ZNF365: variants seen among roughly 807,000 people sequenced by gnomAD.
ZNF365 encodes zinc finger protein 365.
In ZNF365, 22 loss-of-function variants were observed where a neutral mutation model predicts 35.0. The ratio of observed to expected loss-of-function variants is 0.63; its 90% CI spans 0.45 to 0.90. The LOEUF is 0.90. Among genes scored for constraint, ZNF365 ranks in the 40% least tolerant of loss-of-function variants. The pLI is 0.00. For missense variants in ZNF365, 448 were observed against 500.3 expected (o/e 0.90, Z 1.00); for synonymous variants, 188 against 196.2 (o/e 0.96, Z 0.35).
chr10:62,414,063 A>C (rs758413942), intron 3 of ZNF365, among the ~76,000 whole-genome samples: 1 of 152,178 alleles, frequency 6.6e-6, no homozygotes, highest in African/African-American at 2.4e-5. Context: ...TAAATTATAT[A>C]TATTAGTTTA....
chr10:62,414,113 A>C (rs779413761), intron 3 of ZNF365, among the ~76,000 whole-genome samples: 2 of 152,210 alleles, frequency 1.3e-5, no homozygotes, highest in Non-Finnish European at 2.9e-5. Flanking sequence ...GACTCTAATT[A>C]GTGCAAAAAT....
chr10:62,391,608 G>T (rs1839630562), intron 3 of ZNF365, among the ~76,000 whole-genome samples: 1 of 152,240 alleles, frequency 6.6e-6, no homozygotes, highest in South Asian at 2.1e-4. Context: ...GTATTCCACG[G>T]TATATATAAA....
At chr10:62,450,357 G>A (rs894443716) in intron 3 of ZNF365, among the ~76,000 whole-genome samples, 6 of 152,144 alleles carry the variant, frequency 3.9e-5, no homozygotes, top group Non-Finnish European at 7.3e-5. Flanking sequence ...CAAATTTAAA[G>A]ATAAGAAGCC....
chr10:62,383,197 C>T (rs1013463148), intron 2 of ZNF365, among the ~76,000 whole-genome samples: 1 of 152,162 alleles, frequency 6.6e-6, no homozygotes, highest in Non-Finnish European at 1.5e-5. Flanking sequence ...GTGCTGGGCT[C>T]AGGTTAGGTA....
chr10:62,472,091 C>T (rs541395087), intron 4 of ZNF365, among the ~76,000 whole-genome samples: 1 of 152,210 alleles, frequency 6.6e-6, no homozygotes, highest in Non-Finnish European at 1.5e-5. Context: ...ACTTAGCTAT[C>T]GGGCTCCCTG....
intron 3 of ZNF365, among the ~76,000 whole-genome samples, chr10:62,459,163 G>T (rs1292951716): frequency 6.6e-6 from 1 of 152,210 alleles, no homozygotes; most frequent in African/African-American, 2.4e-5. Flanking sequence ...GAGAGCTTCT[G>T]CCTAGTGGGC....
chr10:62,401,656 C>A lies in ZNF365; in HGVS notation c.*1867C>A. On this transcript the variant is annotated 3_prime_UTR_variant, in exon 5 of 5. Transcript: ENST00000395254. ...AGTTATTTATTATTGATGCTTATAC[C>A]ATGATTGCACCTTAGCCTTTTACAT... The A allele has an allele frequency of 1.0e-6, 1 of 985,324 alleles. No individual in the cohort carries two copies. Among genetic ancestry groups the A allele is most frequent in the Middle Eastern group, 5.2e-4 (1 of 1,912 alleles). The allele number at this position is 985,324 out of a possible 1,614,324, so 61.0% of individuals were successfully genotyped here. A position where few individuals can be genotyped will look rare whatever the true frequency, so the allele number is the denominator to read the frequency against.
At chr10:62,477,461 T>C (rs1022426343) in intron 4 of ZNF365, among the ~76,000 whole-genome samples, 1 of 152,240 alleles carries the variant, frequency 6.6e-6, no homozygotes, top group Non-Finnish European at 1.5e-5. Context: ...GAGGGTTTAG[T>C]GCTTCATCCT....
chr10:62,403,032 C>T (rs1839854830), downstream of ZNF365, among the ~76,000 whole-genome samples: 1 of 152,212 alleles, frequency 6.6e-6, no homozygotes, highest in Non-Finnish European at 1.5e-5. Context: ...GGGACATCGA[C>T]TCCTGCGTAA....
chr10:62,374,782 C>T (rs1839286679), intron 1 of ZNF365, among the ~76,000 whole-genome samples: 3 of 152,220 alleles, frequency 2.0e-5, no homozygotes, highest in Non-Finnish European at 4.4e-5. Context: ...AGCCTGCGTG[C>T]TCTGGAGTGT....
In ZNF365 at chr10:62,413,001, G is replaced by T. The variant is rs1217946699; in HGVS notation, c.924+24425G>T. On this transcript the variant is annotated intron_variant, in intron 3 of 4. Coordinates refer to the ZNF365 transcript ENST00000395255. ...ACAGAGCAAGTTGGAAAGAGAGAAG[G>T]TTGGCTAATAGGCAACTCTCCCTCC... Among the ~76,000 whole-genome samples, 2 of 152,114 alleles carry T rather than the reference G, an allele frequency of 1.3e-5. 1 individual carries two copies. The highest frequency in any genetic ancestry group is 4.8e-5 in the African/African-American group (2 of 41,394).
chr10:62,447,984 G>A (rs941554840), intron 3 of ZNF365, among the ~76,000 whole-genome samples: 3 of 152,166 alleles, frequency 2.0e-5, no homozygotes, highest in Non-Finnish European at 4.4e-5. Context: ...AAAGTTGAAA[G>A]AACTGTATCG....
At chr10:62,463,305 A>T (rs1840878773) in intron 4 of ZNF365, among the ~76,000 whole-genome samples, 1 of 152,204 alleles carries the variant, frequency 6.6e-6, no homozygotes, top group South Asian at 2.1e-4. Flanking sequence ...AAGCCAAAAG[A>T]TTATACTTAA....
intron 3 of ZNF365, among the ~76,000 whole-genome samples, chr10:62,413,471 A>G (rs1239161280): frequency 1.3e-5 from 2 of 152,150 alleles, no homozygotes; most frequent in Non-Finnish European, 2.9e-5. Context: ...TCAGAATAAT[A>G]TTATAGTAAA....
chr10:62,402,607 A>G, downstream of ZNF365: 1 of 345,658 alleles, frequency 2.9e-6, no homozygotes, highest in Non-Finnish European at 4.1e-6. Flanking sequence ...ACTTAGCTAG[A>G]TCATTTTTGT....
At chr10:62,436,261 G>T (rs1840405791) in intron 3 of ZNF365, among the ~76,000 whole-genome samples, 1 of 152,048 alleles carries the variant, frequency 6.6e-6, no homozygotes, top group Non-Finnish European at 1.5e-5. Context: ...TAGACAAATA[G>T]GAAAGTTCCA....
At position 62,479,543 on chromosome 10, in the gene ZNF365, G is replaced by A. The variant is rs566214663; in HGVS notation, c.982-333G>A. On this transcript the variant is annotated intron_variant, in intron 4 of 4. Transcript: ENST00000395255. ...ATTATATAACTTATCATCTGAACCA[G>A]GACACTCTTGAGAGTTGGTGCTATT... Among the ~76,000 whole-genome samples, 5 of 152,268 alleles carry A rather than the reference G, an allele frequency of 3.3e-5. No homozygotes were observed. In the South Asian group the frequency reaches 8.3e-4, roughly 25 times the overall value.
chr10:62,381,715 G>A (rs1839442683), intron 2 of ZNF365, among the ~76,000 whole-genome samples: 1 of 152,136 alleles, frequency 6.6e-6, no homozygotes, highest in African/African-American at 2.4e-5. Context: ...CCAGCCCAGG[G>A]CTTTTCACTT....
chr10:62,479,844 C>A, intron 4 of ZNF365: 4 of 1,506,240 alleles, frequency 2.7e-6, no homozygotes, highest in South Asian at 2.3e-5. Context: ...CACTGCAACT[C>A]TACTAACTTT....
Sources: allele counts gnomAD v4.1 joint callset (sites outside exome capture counted in the v4.1 genomes callset), GRCh38; gene constraint gnomAD v4.1.1; transcripts MANE v1.5; gene names NCBI Gene and HGNC (gene_info 2026-07-23, HGNC 2026-07-21).